Variants in HSDL2 observed in about 807,000 individuals in gnomAD.
The protein encoded by HSDL2 is hydroxysteroid dehydrogenase like 2, also known as hydroxysteroid dehydrogenase-like protein 2.
HSDL2 carries 27 observed loss-of-function variants against 46.3 expected under a neutral mutation model. The ratio of observed to expected loss-of-function variants is 0.58; its 90% CI spans 0.43 to 0.80. The LOEUF (loss-of-function observed/expected upper bound fraction) is 0.80. Among genes scored for constraint, HSDL2 ranks in the 30% least tolerant of loss-of-function variants. The pLI, the probability that HSDL2 is intolerant of heterozygous loss-of-function variation, is 0.00. For synonymous variants in HSDL2, 153 were observed against 163.6 expected, an observed-to-expected ratio of 0.94 and a Z score of 0.50; for missense variants, 451 against 502.7, an observed-to-expected ratio of 0.90 and a Z score of 0.98.
In HSDL2 at chr9:112,471,482, A is replaced by G. The variant is rs1219944987; in HGVS notation, c.*938A>G. 6.6e-6 allele frequency: 1 copy of G among 152,336 alleles called. No homozygotes were observed. The highest frequency in any genetic ancestry group is 6.5e-5 in the Admixed American group (1 of 15,280). 9.4% of individuals were successfully genotyped at this position (152,336 alleles called of 1,614,324 possible). ...GTGAGAAGGCAGTTATCTGCAAGCA[A>G]AGAGAGAGGCTTCAGAAGAAACAAA... On this transcript the variant is annotated 3_prime_UTR_variant, in exon 11 of 11. Transcript: ENST00000398805.
chr9:112,460,838 A>T (rs1292217605), intron 10 of HSDL2, among the ~76,000 whole-genome samples: 2 of 152,138 alleles, frequency 1.3e-5, no homozygotes, highest in Admixed American at 6.5e-5. Flanking sequence ...TATGATGCTA[A>T]ACCATAACCA....
At chr9:112,412,729 G>C (rs1267264770) in intron 4 of HSDL2, among the ~76,000 whole-genome samples, 2 of 152,046 alleles carry the variant, frequency 1.3e-5, no homozygotes, top group Non-Finnish European at 2.9e-5. Context: ...AAATAATTTG[G>C]TCTACTTTCC....
chr9:112,427,301 C>T (rs1280353454), intron 6 of HSDL2, among the ~76,000 whole-genome samples: 1 of 152,182 alleles, frequency 6.6e-6, no homozygotes, highest in East Asian at 1.9e-4. Context: ...GTGATCCACC[C>T]GCCTCGGCCT....
intron 1 of HSDL2, among the ~76,000 whole-genome samples, chr9:112,394,566 C>A (rs1304745480): frequency 6.6e-6 from 1 of 152,074 alleles, no homozygotes; most frequent in Non-Finnish European, 1.5e-5. Context: ...TTTAGATGGG[C>A]CCTCAAAATT....
At chr9:112,420,122 C>G (rs748198376) in intron 6 of HSDL2, among the ~76,000 whole-genome samples, 18 of 152,108 alleles carry the variant, frequency 1.2e-4, no homozygotes, top group Non-Finnish European at 2.1e-4. Context: ...GGGCAGATCA[C>G]TTGAGGCCAG....
intron 1 of HSDL2, among the ~76,000 whole-genome samples, chr9:112,384,191 C>A (rs189016277): frequency 1.1e-4 from 17 of 152,234 alleles, no homozygotes; most frequent in Admixed American, 1.1e-3. Context: ...AATTTCAGTA[C>A]TTTTACCTGA....
At chr9:112,424,790 A>G (rs1006023999) in intron 6 of HSDL2, among the ~76,000 whole-genome samples, 9 of 151,288 alleles carry the variant, frequency 5.9e-5, no homozygotes, top group African/African-American at 2.2e-4. Context: ...AATTAAATAT[A>G]TTACTAGATA....
chr9:112,455,143 G>A (rs1832986003), intron 9 of HSDL2, among the ~76,000 whole-genome samples: 1 of 152,106 alleles, frequency 6.6e-6, no homozygotes, highest in Admixed American at 6.5e-5. Flanking sequence ...TGAGGCTGGA[G>A]GATCACTTGA....
At chr9:112,444,421 G>C (rs1162858023) in intron 8 of HSDL2, among the ~76,000 whole-genome samples, 1 of 78,330 alleles carries the variant, frequency 1.3e-5, no homozygotes, top group African/African-American at 4.7e-5. Context: ...TAAATTGATG[G>C]GTTTTTTTTT....
intron 9 of HSDL2, among the ~76,000 whole-genome samples, chr9:112,454,687 A>T (rs1832973130): frequency 6.6e-6 from 1 of 151,450 alleles, no homozygotes; most frequent in South Asian, 2.1e-4. Context: ...GCTTTTTTTC[A>T]CTTTTTTTAT....
chr9:112,383,961 G>A (rs975307407), intron 1 of HSDL2, among the ~76,000 whole-genome samples: 9 of 152,182 alleles, frequency 5.9e-5, no homozygotes, highest in Non-Finnish European at 1.2e-4. Context: ...CTCAGCCCCC[G>A]AAGTGCTAGG....
At position 112,459,429 on chromosome 9, in the gene HSDL2, C is replaced by T. The variant is rs747548010; in HGVS notation, c.1016-20C>T. 21 of 1,611,728 alleles carry T rather than the reference C, an allele frequency of 1.3e-5. No homozygotes were observed. The highest frequency in any genetic ancestry group is 1.7e-5 in the Non-Finnish European group (20 of 1,178,450). On this transcript the variant is annotated intron_variant, in intron 9 of 10. Transcript: ENST00000398805. ...AACAGGGCTTCTATGACATTGATTT[C>T]TATATGTTTATCTCTCTAGGTGAAG...
intron 6 of HSDL2, among the ~76,000 whole-genome samples, chr9:112,431,051 C>CAAAAAA (rs57414181): frequency 1.0e-5 from 1 of 95,640 alleles, no homozygotes; most frequent in Non-Finnish European, 2.1e-5. Context: ...GATTCCAACT[C>CAAAAAA]AAAAAAAAAA....
intron 8 of HSDL2, among the ~76,000 whole-genome samples, chr9:112,447,259 G>C (rs929896805): frequency 2.0e-5 from 3 of 151,996 alleles, no homozygotes; most frequent in African/African-American, 7.2e-5. Flanking sequence ...TAGTCTGATG[G>C]CTGCACCTTT....
At chr9:112,402,550 T>TAAAA (rs34600812) in intron 1 of HSDL2, among the ~76,000 whole-genome samples, 1 of 140,258 alleles carries the variant, frequency 7.1e-6, no homozygotes, top group Non-Finnish European at 1.5e-5. Context: ...AGAGCTGTCT[T>TAAAA]AAAAAAAAAA....
At chr9:112,411,537 G>C (rs1021628722) in intron 4 of HSDL2, among the ~76,000 whole-genome samples, 3 of 152,124 alleles carry the variant, frequency 2.0e-5, no homozygotes, top group African/African-American at 7.2e-5. Flanking sequence ...TTAGCCAGGC[G>C]TGGTGGTGTG....
chr9:112,428,228 A>G (rs1427829369), intron 6 of HSDL2, among the ~76,000 whole-genome samples: 4 of 152,166 alleles, frequency 2.6e-5, no homozygotes, highest in Non-Finnish European at 5.9e-5. Context: ...CAGCTTTCCA[A>G]TCACCATCTT....
At chr9:112,409,604 G>A (rs1831813072) in intron 4 of HSDL2, among the ~76,000 whole-genome samples, 1 of 152,154 alleles carries the variant, frequency 6.6e-6, no homozygotes, top group South Asian at 2.1e-4. Flanking sequence ...TTTGGGTGAG[G>A]GGAGTATTAT....
rs113394857 is a variant in HSDL2, at chr9:112,428,348, T to G, written c.598+9390T>G. Reference sequence around the variant, plus strand: ...CCTCACTGTGGGACCAAAACCATGTTTTATTGCTTCTTTGTTTCCTTTATG... The same window carrying G: ...CCTCACTGTGGGACCAAAACCATGTGTTATTGCTTCTTTGTTTCCTTTATG... On this transcript the variant is annotated intron_variant, in intron 6 of 10. Coordinates refer to ENST00000398805, the MANE Select transcript of HSDL2 (RefSeq NM_032303.5). Among the ~76,000 whole-genome samples the G allele has an allele frequency of 4.3e-3, 662 of 152,330 alleles. 13 individuals carry two copies. Among genetic ancestry groups the G allele is most frequent in the Non-Finnish European group, 3.8e-3 (258 of 68,026 alleles).
Sources: allele counts gnomAD v4.1 joint callset (sites outside exome capture counted in the v4.1 genomes callset), GRCh38; gene constraint gnomAD v4.1.1; transcripts MANE v1.5; gene names NCBI Gene and HGNC (gene_info 2026-07-23, HGNC 2026-07-21).